The following PFDN1 variants were observed in gnomAD, a reference collection of about 807,000 sequenced individuals.
The protein encoded by PFDN1 is prefoldin subunit 1, also known as prefoldin 1.
In PFDN1, 6 loss-of-function variants were observed where a neutral mutation model predicts 17.3. That is an observed-to-expected ratio of 0.35 (90% CI 0.19 to 0.69). PFDN1 has a LOEUF of 0.69. Among genes scored for constraint, PFDN1 ranks in the 30% least tolerant of loss-of-function variants. PFDN1 has a pLI of 0.65. For missense variants in PFDN1, 113 were observed against 146.2 expected, an observed-to-expected ratio of 0.77 and a Z score of 1.17; for synonymous variants, 58 against 50.1, an observed-to-expected ratio of 1.16 and a Z score of -0.67.
chr5:140,277,747 A>C (rs1172925526), intron 3 of PFDN1, among the ~76,000 whole-genome samples: 1 of 152,048 alleles, frequency 6.6e-6, no homozygotes, highest in African/African-American at 2.4e-5. Context: ...AAAAAAAGAA[A>C]AGGAATAAAT....
chr5:140,293,528 C>T (rs192376402), intron 2 of PFDN1, among the ~76,000 whole-genome samples: 1 of 152,158 alleles, frequency 6.6e-6, no homozygotes, highest in African/African-American at 2.4e-5. Flanking sequence ...ATTAGCATAA[C>T]ATTTTCAAAA....
intron 3 of PFDN1, among the ~76,000 whole-genome samples, chr5:140,279,995 C>CAAAAAAAAAAAAAA (rs772575762): frequency 8.0e-4 from 25 of 31,228 alleles, no homozygotes; most frequent in African/African-American, 1.1e-3. Context: ...AACTCCGTCT[C>CAAAAAAAAAAAAAA]AAAAAAAAAA....
intron 2 of PFDN1, among the ~76,000 whole-genome samples, chr5:140,285,086 T>C (rs912792468): frequency 4.6e-5 from 7 of 152,226 alleles, no homozygotes; most frequent in Non-Finnish European, 8.8e-5. Flanking sequence ...TTCCAAAGTA[T>C]GGTCACCTAG....
chr5:140,276,899 T>C (rs1409914568), intron 3 of PFDN1, among the ~76,000 whole-genome samples: 1 of 151,470 alleles, frequency 6.6e-6, no homozygotes, highest in East Asian at 1.9e-4. Context: ...ATCATATCTT[T>C]AAAGGCCTTC....
chr5:140,290,244 C>T (rs1765559973), intron 2 of PFDN1, among the ~76,000 whole-genome samples: 1 of 152,154 alleles, frequency 6.6e-6, no homozygotes, highest in Non-Finnish European at 1.5e-5. Context: ...AGATTTAAGC[C>T]TAAGCATGTG....
intron 3 of PFDN1, among the ~76,000 whole-genome samples, chr5:140,253,508 A>G (rs893064014): frequency 3.9e-5 from 6 of 152,134 alleles, no homozygotes; most frequent in Non-Finnish European, 5.9e-5. Context: ...TGCCCTCCCT[A>G]ACACATCAGC....
intron 3 of PFDN1, among the ~76,000 whole-genome samples, chr5:140,278,425 G>A (rs981723723): frequency 1.8e-4 from 27 of 150,956 alleles, no homozygotes; most frequent in African/African-American, 6.3e-4. Context: ...AATTAGCCAG[G>A]CATGGTGGGC....
chr5:140,281,668 G>C, intron 2 of PFDN1, 135 bp from the exon 3 acceptor site: 1 of 623,060 alleles, frequency 1.6e-6, no homozygotes, highest in African/African-American at 1.9e-5. Context: ...GTCAAGCTCA[G>C]GAAACCACCA....
intron 2 of PFDN1, among the ~76,000 whole-genome samples, chr5:140,284,652 G>A (rs780899135): frequency 5.9e-5 from 9 of 152,184 alleles, no homozygotes; most frequent in Non-Finnish European, 8.8e-5. Context: ...GAATTCTGGA[G>A]TTCAAAATGT....
intron 3 of PFDN1, among the ~76,000 whole-genome samples, chr5:140,251,602 G>C (rs1321424238): frequency 6.6e-6 from 1 of 152,134 alleles, no homozygotes; most frequent in African/African-American, 2.4e-5. Flanking sequence ...TTTCTGTCTT[G>C]CCGAGCAATT....
intron 3 of PFDN1, among the ~76,000 whole-genome samples, chr5:140,256,894 C>A (rs1023514045): frequency 2.0e-5 from 3 of 152,012 alleles, no homozygotes; most frequent in Non-Finnish European, 2.9e-5. Flanking sequence ...CGTGGACACT[C>A]TCACACTGAA....
rs763185306 is a variant in PFDN1 at position 140,300,497 on chromosome 5, G to A, written c.119C>T (p.Thr40Met). The A allele has an allele frequency of 6.8e-6, 11 of 1,611,640 alleles. No individual in the cohort carries two copies. The highest frequency in any genetic ancestry group is 4.5e-5 in the East Asian group (2 of 44,850). ...ATCTGTAAGATGTGCATGCTTTTTC[G>A]TTCTGTTTAGCTGTTCAATCTGTAT... The part of the protein sequence containing the change: ...ADIQIEQLNR[T>M]KKHAHLTDTE... Residue 40 changes from threonine to methionine, a missense_variant, in exon 2 of 4, where the codon ACG (threonine) becomes ATG (methionine). Physicochemically the swap from Thr to Met is moderately conservative, Grantham distance 81. Transcript: ENST00000261813.
Position 140,245,717 on chromosome 5 carries a change from C to G in PFDN1, c.*257G>C. On this transcript the variant is annotated 3_prime_UTR_variant, in exon 4 of 4. Coordinates refer to ENST00000261813, the MANE Select transcript of PFDN1 (RefSeq NM_002622.5). Reference sequence around the variant, plus strand: ...GAGCTTCCTATCTTGCCCTGGCTCCCATCTTCCCTCTCCTGGGAGTTCATC... The same window carrying G: ...GAGCTTCCTATCTTGCCCTGGCTCCGATCTTCCCTCTCCTGGGAGTTCATC... 1 of 614,878 alleles carries G rather than the reference C, an allele frequency of 1.6e-6. No homozygotes were observed. Among genetic ancestry groups the G allele is most frequent in the South Asian group, 1.9e-5 (1 of 51,782 alleles). The allele number at this position is 614,878 out of a possible 1,614,324, so 38.1% of individuals were successfully genotyped here. A position where few individuals can be genotyped will look rare whatever the true frequency, so the allele number is the denominator to read the frequency against.
At chr5:140,246,096 G>T (rs1400782865) in intron 3 of PFDN1, 39 bp from the exon 4 acceptor site, 2 of 1,227,116 alleles carry the variant, frequency 1.6e-6, no homozygotes, top group East Asian at 2.5e-5. Flanking sequence ...GGACCAGAGT[G>T]AATGGGCCGG....
In PFDN1 at chr5:140,295,258, T is replaced by C. The variant is rs531362651; in HGVS notation, c.200+5158A>G. Among the ~76,000 whole-genome samples the C allele has an allele frequency of 4.6e-5, 7 of 152,216 alleles. No homozygotes were observed. In the South Asian group the frequency reaches 1.2e-3, roughly 27 times the overall value. ...CTAGTATGGTTAAATGTCATTTATA[T>C]GCACTTTCAAATATAATTCTTATTT... On this transcript the variant is annotated intron_variant, in intron 2 of 3. Coordinates refer to ENST00000261813, the MANE Select transcript of PFDN1 (RefSeq NM_002622.5).
intron 3 of PFDN1, among the ~76,000 whole-genome samples, chr5:140,280,455 T>C (rs1765383143): frequency 6.6e-6 from 1 of 152,216 alleles, no homozygotes; most frequent in Admixed American, 6.5e-5. Flanking sequence ...TTTTGTCTTG[T>C]TTTTACAATA....
In PFDN1 at chr5:140,246,130, C is replaced by G. The variant is rs186032931; in HGVS notation, c.286-73G>C. On this transcript the variant is annotated intron_variant, in intron 3 of 3. Coordinates refer to ENST00000261813, the MANE Select transcript of PFDN1 (RefSeq NM_002622.5). The stretch of plus-strand genomic sequence containing the variant: ...GGGCTGGAAGACACAGCTTTGATGT[C>G]CAATGGTTATGGCTTTTCCTTTGTG... 1.9e-5 allele frequency: 17 copies of G among 897,380 alleles called. No homozygotes were observed. The Admixed American group carries it at 3.4e-4, about 18-fold the overall frequency. The allele number at this position is 897,380 out of a possible 1,614,324, so 55.6% of individuals were successfully genotyped here.
intron 2 of PFDN1, among the ~76,000 whole-genome samples, chr5:140,290,836 A>T (rs928244430): frequency 2.0e-5 from 3 of 152,230 alleles, no homozygotes; most frequent in African/African-American, 7.2e-5. Context: ...ATTCTTTAAG[A>T]AAGACATCTG....
At chr5:140,246,204 C>A in intron 3 of PFDN1, 147 bp from the exon 4 acceptor site, 1 of 647,302 alleles carries the variant, frequency 1.5e-6, no homozygotes, top group Non-Finnish European at 2.8e-6. Flanking sequence ...CACACCTGCC[C>A]ACAGTGCTCC....
Sources: gnomAD v4.1 joint callset for allele counts (sites outside exome capture counted in the v4.1 genomes callset) on GRCh38, gnomAD v4.1.1 for gene constraint, MANE v1.5 for transcripts, NCBI Gene and HGNC (gene_info 2026-07-23, HGNC 2026-07-21) for gene names.